CHSY1: variants seen among roughly 807,000 people sequenced by gnomAD.
CHSY1 encodes chondroitin sulfate synthase 1.
Under a neutral mutation model 59.8 loss-of-function variants are expected in CHSY1, and 13 were observed. The observed-to-expected ratio is 0.22, with a 90% CI of 0.14 to 0.35. The LOEUF (loss-of-function observed/expected upper bound fraction) is 0.35. Ranked by LOEUF, CHSY1 falls within the 10% of genes least tolerant of loss-of-function variation. The pLI, the probability that CHSY1 is intolerant of heterozygous loss-of-function variation, is 1.00. For missense variants in CHSY1, 947 were observed against 1,030.6 expected (o/e 0.92, Z 1.11); for synonymous variants, 459 against 401.2 (o/e 1.14, Z -1.72).
chr15:101,206,360 C>T (rs1396401228), intron 2 of CHSY1, among the ~76,000 whole-genome samples: 1 of 152,060 alleles, frequency 6.6e-6, no homozygotes, highest in African/African-American at 2.4e-5. Flanking sequence ...CTGAAGAGAA[C>T]CACTGAGTCA....
At chr15:101,209,908 G>A (rs1346017343) in intron 2 of CHSY1, among the ~76,000 whole-genome samples, 1 of 152,184 alleles carries the variant, frequency 6.6e-6, no homozygotes, top group African/African-American at 2.4e-5. Context: ...AACACAGAAA[G>A]TATACAAAAA....
chr15:101,176,380 G>A lies in CHSY1; in HGVS notation c.*1008C>T, dbSNP rs28754726. Reference sequence around the variant, plus strand: ...TTTTGATTAGGGTGTATGTGTGTATGTTTCAGTCTGTGTACATCAGATTTA... The same window carrying A: ...TTTTGATTAGGGTGTATGTGTGTATATTTCAGTCTGTGTACATCAGATTTA... On this transcript the variant is annotated 3_prime_UTR_variant, in exon 3 of 3. Coordinates refer to ENST00000254190, the MANE Select transcript of CHSY1 (RefSeq NM_014918.5). 1,377 of 398,532 alleles carry A rather than the reference G, an allele frequency of 3.5e-3. 14 individuals are homozygous for A. The highest frequency in any genetic ancestry group is 0.026 in the African/African-American group (1,263 of 48,730). 24.7% of individuals were successfully genotyped at this position (398,532 alleles called of 1,614,324 possible).
At chr15:101,229,614 T>C (rs1395258809) in intron 2 of CHSY1, among the ~76,000 whole-genome samples, 1 of 152,148 alleles carries the variant, frequency 6.6e-6, no homozygotes, top group African/African-American at 2.4e-5. Flanking sequence ...ACAATAACAT[T>C]AGAGACTTCT....
intron 1 of CHSY1, among the ~76,000 whole-genome samples, chr15:101,250,273 T>C (rs959258079): frequency 6.6e-6 from 1 of 152,208 alleles, no homozygotes; most frequent in African/African-American, 2.4e-5. Context: ...ACTTCACACA[T>C]ATAGGGTTTC....
chr15:101,220,544 C>T (rs1055490940), intron 2 of CHSY1, among the ~76,000 whole-genome samples: 2 of 152,286 alleles, frequency 1.3e-5, no homozygotes, highest in South Asian at 2.1e-4. Context: ...AGTCACTTCC[C>T]CTCACCTCTT....
At chr15:101,250,614 G>T (rs1181942313) in intron 1 of CHSY1, among the ~76,000 whole-genome samples, 1 of 152,210 alleles carries the variant, frequency 6.6e-6, no homozygotes, top group African/African-American at 2.4e-5. Context: ...GGTCCAATAT[G>T]CTGCGGGCAT....
At chr15:101,181,190 C>T (rs2038274051) in intron 2 of CHSY1, among the ~76,000 whole-genome samples, 1 of 152,158 alleles carries the variant, frequency 6.6e-6, no homozygotes, top group African/African-American at 2.4e-5. Flanking sequence ...GCTGACTGCA[C>T]CTGAGGATCT....
At chr15:101,213,881 T>C (rs1381898340) in intron 2 of CHSY1, among the ~76,000 whole-genome samples, 1 of 152,176 alleles carries the variant, frequency 6.6e-6, no homozygotes, top group African/African-American at 2.4e-5. Context: ...ACCTGAAAAA[T>C]CACGAGGCTT....
chr15:101,190,881 C>T (rs2038434470), intron 2 of CHSY1, among the ~76,000 whole-genome samples: 1 of 152,262 alleles, frequency 6.6e-6, no homozygotes, highest in South Asian at 2.1e-4. Context: ...CAACGAGATG[C>T]CACGACACAC....
intron 1 of CHSY1, among the ~76,000 whole-genome samples, chr15:101,250,420 C>G (rs559831687): frequency 2.0e-5 from 3 of 152,324 alleles, no homozygotes; most frequent in East Asian, 1.9e-4. Context: ...TTTGTTAAAC[C>G]TGAACACAAT....
intron 2 of CHSY1, among the ~76,000 whole-genome samples, chr15:101,198,008 C>T (rs2038526733): frequency 6.6e-6 from 1 of 152,116 alleles, no homozygotes; most frequent in Admixed American, 6.6e-5. Context: ...GCACAGACTG[C>T]GACCTCATCG....
At chr15:101,240,483 T>C (rs1435472587) in intron 1 of CHSY1, among the ~76,000 whole-genome samples, 1 of 152,210 alleles carries the variant, frequency 6.6e-6, no homozygotes, top group Non-Finnish European at 1.5e-5. Flanking sequence ...GCAGAGGCCT[T>C]GCCAGAAAAA....
intron 2 of CHSY1, among the ~76,000 whole-genome samples, chr15:101,217,317 A>AT (rs2038743971): frequency 6.6e-6 from 1 of 152,254 alleles, no homozygotes; most frequent in Non-Finnish European, 1.5e-5. Flanking sequence ...TTAGCTTAAT[A>AT]TACATACAGA....
intron 2 of CHSY1, among the ~76,000 whole-genome samples, chr15:101,234,600 G>C (rs371929870): frequency 4.9e-4 from 75 of 152,326 alleles, no homozygotes; most frequent in Middle Eastern, 6.8e-3. Context: ...CGGGCGCCGT[G>C]GCTCACGCCT....
At chr15:101,197,222 C>T (rs996640034) in intron 2 of CHSY1, among the ~76,000 whole-genome samples, 1 of 152,154 alleles carries the variant, frequency 6.6e-6, no homozygotes, top group Admixed American at 6.5e-5. Flanking sequence ...TGGGGAGAGG[C>T]AATGCCTGGC....
intron 2 of CHSY1, among the ~76,000 whole-genome samples, chr15:101,205,994 A>G (rs2038623162): frequency 6.6e-6 from 1 of 152,080 alleles, no homozygotes; most frequent in South Asian, 2.1e-4. Flanking sequence ...GCTCTACCCC[A>G]TGATCCTGGT....
intron 2 of CHSY1, among the ~76,000 whole-genome samples, chr15:101,201,878 G>A (rs892645514): frequency 6.6e-6 from 1 of 152,324 alleles, no homozygotes; most frequent in South Asian, 2.1e-4. Flanking sequence ...CCCAGTAGGT[G>A]TCCAGGAGGG....
chr15:101,250,230 C>T (rs1259684996), intron 1 of CHSY1, among the ~76,000 whole-genome samples: 1 of 152,186 alleles, frequency 6.6e-6, no homozygotes, highest in East Asian at 1.9e-4. Flanking sequence ...CTGGATAAGA[C>T]CCAAACTTTA....
At chr15:101,207,233 C>A (rs1467391214) in intron 2 of CHSY1, among the ~76,000 whole-genome samples, 1 of 152,202 alleles carries the variant, frequency 6.6e-6, no homozygotes, top group East Asian at 1.9e-4. Context: ...GAATAAAAGT[C>A]TTTTCTTCTA....
Sources: gnomAD v4.1 joint callset for allele counts (sites outside exome capture counted in the v4.1 genomes callset) on GRCh38, gnomAD v4.1.1 for gene constraint, MANE v1.5 for transcripts, NCBI Gene and HGNC (gene_info 2026-07-23, HGNC 2026-07-21) for gene names.